GET4: variants seen among roughly 807,000 people sequenced by gnomAD.
The protein encoded by GET4 is guided entry of tail-anchored proteins factor 4.
In GET4, 20 loss-of-function variants were observed where a neutral mutation model predicts 40.0. The ratio of observed to expected loss-of-function variants is 0.50; its 90% confidence interval spans 0.35 to 0.73. The LOEUF is 0.73. GET4 is among the 30% of genes least tolerant of loss of function. GET4 has a pLI of 0.01. For synonymous variants in GET4, 280 were observed against 194.6 expected (o/e 1.44, Z -3.65); for missense variants, 557 against 454.0 (o/e 1.23, Z -2.06).
chr7:892,775 G>T (rs1042624916), intron 6 of GET4, among the ~76,000 whole-genome samples: 1 of 150,700 alleles, frequency 6.6e-6, no homozygotes, highest in African/African-American at 2.4e-5. Context: ...TGTGGTGTGG[G>T]GGTGTGTAGA....
In GET4 at chr7:886,064, C is replaced by T; in HGVS notation, c.164C>T (p.Ser55Phe). Reference sequence around the variant, plus strand: ...TCTCCTCTCTGTGGCAGGTACATGTCCCAGAGCAAGCACACGGAGGCCCGG... The same window carrying T: ...TCTCCTCTCTGTGGCAGGTACATGTTCCAGAGCAAGCACACGGAGGCCCGG... ...MYRTLFFRYM[S>F]QSKHTEAREL... Residue 55 changes from serine (S) to phenylalanine (F), a missense_variant, in exon 2 of 9, where the codon TCC (serine) becomes TTC (phenylalanine). Transcript: ENST00000265857. The T allele has an allele frequency of 1.2e-6, 2 of 1,602,434 alleles. No homozygotes were observed. The highest frequency in any genetic ancestry group is 1.1e-5 in the South Asian group (1 of 90,902).
At position 896,167 on chromosome 7, in the gene GET4, A is replaced by AT. The variant is rs1844487294; in HGVS notation, c.*746dup. The AT allele has an allele frequency of 6.6e-6, 1 of 152,180 alleles. No homozygotes were observed. The highest frequency in any genetic ancestry group is 1.5e-5 in the Non-Finnish European group (1 of 68,038). The allele number at this position is 152,180 out of a possible 1,614,324, so 9.4% of individuals were successfully genotyped here. On this transcript the variant is annotated 3_prime_UTR_variant, in exon 9 of 9. Coordinates refer to ENST00000265857, the MANE Select transcript of GET4 (RefSeq NM_015949.3). ...ACGCAATATTTATTTGTATTGGGTG[A>AT]TGATTGATTCTTTCGACCTAACATT...
chr7:887,756 C>A (rs931489370), intron 4 of GET4, among the ~76,000 whole-genome samples: 1 of 152,196 alleles, frequency 6.6e-6, no homozygotes, highest in Non-Finnish European at 1.5e-5. Context: ...TCCCGTGGGA[C>A]GTTCTGACCC....
chr7:885,945 G>A, intron 1 of GET4, 111 bp from the exon 2 acceptor site: 3 of 735,184 alleles, frequency 4.1e-6, no homozygotes, highest in Non-Finnish European at 4.9e-6. Context: ...CTGCTTTTAG[G>A]ATGCCACCTG....
At chr7:888,196 C>T (rs1236775816) in intron 4 of GET4, among the ~76,000 whole-genome samples, 2 of 152,194 alleles carry the variant, frequency 1.3e-5, no homozygotes, top group Non-Finnish European at 2.9e-5. Context: ...GGGCAGCCCC[C>T]GCATTGGAAG....
intron 5 of GET4, among the ~76,000 whole-genome samples, chr7:891,473 G>A (rs988546843): frequency 1.1e-4 from 16 of 151,816 alleles, no homozygotes; most frequent in South Asian, 2.1e-4. Context: ...GGCTCCGGGC[G>A]CTGTCTGCTC....
intron 1 of GET4, among the ~76,000 whole-genome samples, chr7:877,210 T>G (rs1179524534): frequency 2.1e-5 from 3 of 142,796 alleles, no homozygotes; most frequent in Non-Finnish European, 3.0e-5. Context: ...TCGCTCTCTC[T>G]CTCTCTCTCT....
chr7:892,878 T>TTGTGTGTAGACG (rs1844360869), intron 6 of GET4, among the ~76,000 whole-genome samples: 1 of 150,772 alleles, frequency 6.6e-6, no homozygotes, highest in African/African-American at 2.4e-5. Flanking sequence ...GGTATGTGTG[T>TTGTGTGTAGACG]TGTGTGTAGA....
At chr7:888,828 A>C (rs1182332093) in intron 4 of GET4, among the ~76,000 whole-genome samples, 2 of 152,018 alleles carry the variant, frequency 1.3e-5, no homozygotes, top group Non-Finnish European at 1.5e-5. Context: ...GCGAACTGCC[A>C]CTCTGCGTGG....
chr7:888,635 C>T lies in GET4; in HGVS notation c.466+1116C>T, dbSNP rs552817917. Reference sequence around the variant, plus strand: ...TGCCTATCTCTTGCCTCAGTCTCCCCGTGGTCGCCTCCTTCCTCAGAAGGG... The same window carrying T: ...TGCCTATCTCTTGCCTCAGTCTCCCTGTGGTCGCCTCCTTCCTCAGAAGGG... On this transcript the variant is annotated intron_variant, in intron 4 of 8. Coordinates refer to ENST00000265857, the MANE Select transcript of GET4 (RefSeq NM_015949.3). 2.6e-5 allele frequency among the ~76,000 whole-genome samples: 4 copies of T among 152,368 alleles called. 1 individual carries two copies. The highest frequency in any genetic ancestry group is 4.1e-4 in the South Asian group (2 of 4,834).
chr7:891,113 G>T (rs936119403), intron 5 of GET4, 47 bp downstream of exon 5: 1 of 1,509,138 alleles, frequency 6.6e-7, no homozygotes, highest in Non-Finnish European at 9.0e-7. Context: ...TGCTGCCTTG[G>T]CTGGGCAGCC....
chr7:887,012 A>G, intron 3 of GET4: 1 of 522,678 alleles, frequency 1.9e-6, no homozygotes, highest in Non-Finnish European at 3.6e-6. Context: ...CCCTTCTGTG[A>G]GCTGCCTGGC....
Position 886,123 on chromosome 7 carries a change from A to G in GET4, c.223A>G (p.Ser75Gly). 1 of 1,604,466 alleles carries G rather than the reference A, an allele frequency of 6.2e-7. No individual in the cohort carries two copies. The change falls in exon 2 of 9, where the codon AGC (serine) becomes GGC (glycine). Residue 75 changes from serine (S) to glycine (G), a missense_variant. Physicochemically the swap from Ser to Gly is moderately conservative, Grantham distance 56. Coordinates refer to ENST00000265857, the MANE Select transcript of GET4 (RefSeq NM_015949.3). ...LMYSGALLFF[S>G]HGQQNSAADL... ...GTACTCGGGAGCCCTGCTCTTCTTC[A>G]GCCATGGCCAGGTAAGCCGTCTTGC...
chr7:887,294 C>T, intron 3 of GET4, 76 bp from the exon 4 acceptor site: 3 of 1,433,590 alleles, frequency 2.1e-6, no homozygotes, highest in Non-Finnish European at 2.9e-6. Context: ...AATGGAAATC[C>T]ACTTCTGTGG....
chr7:895,231 C>T (rs1256518506), intron 8 of GET4, 103 bp from the exon 9 acceptor site: 3 of 637,992 alleles, frequency 4.7e-6, no homozygotes, highest in Admixed American at 5.0e-5. Context: ...TTGCTTGTTC[C>T]ATGGGACACT....
intron 8 of GET4, among the ~76,000 whole-genome samples, chr7:894,988 AGGT>A (rs1323340199): frequency 1.3e-5 from 2 of 151,374 alleles, no homozygotes; most frequent in East Asian, 3.9e-4. Flanking sequence ...TCTTTCCGTG[AGGT>A]GGTGTTGGTT....
intron 6 of GET4, among the ~76,000 whole-genome samples, chr7:893,480 G>T (rs1362417923): frequency 8.3e-6 from 1 of 119,888 alleles, no homozygotes; most frequent in Non-Finnish European, 1.9e-5. Context: ...GGTGGTTTGT[G>T]CAGGTGAGTG....
chr7:894,022 G>A (rs773932456), intron 8 of GET4, 51 bp downstream of exon 8: 3 of 1,275,330 alleles, frequency 2.4e-6, no homozygotes, highest in African/African-American at 1.5e-5. Context: ...GTCGGTGTGG[G>A]GTCATCATCT....
intron 5 of GET4, 67 bp from the exon 6 acceptor site, chr7:892,211 C>T (rs567009572): frequency 2.0e-6 from 3 of 1,531,036 alleles, no homozygotes; most frequent in East Asian, 2.3e-5. Flanking sequence ...ATGTCGGAGG[C>T]CGGCGCCTGT....
Sources: allele counts gnomAD v4.1 joint callset (sites outside exome capture counted in the v4.1 genomes callset), GRCh38; gene constraint gnomAD v4.1.1; transcripts MANE v1.5; gene names NCBI Gene and HGNC (gene_info 2026-07-23, HGNC 2026-07-21).